RASGRP2: variants seen among roughly 807,000 people sequenced by gnomAD.
RASGRP2 encodes RAS guanyl releasing protein 2, also known as RAS guanyl-releasing protein 2.
RASGRP2 carries 44 observed loss-of-function variants against 71.0 expected under a neutral mutation model. The observed-to-expected ratio is 0.62, with a 90% CI of 0.49 to 0.80. The LOEUF (loss-of-function observed/expected upper bound fraction) is 0.80. RASGRP2 is among the 30% of genes least tolerant of loss of function. The pLI is 0.00. For missense variants in RASGRP2, 663 were observed against 813.4 expected, an observed-to-expected ratio of 0.82 and a Z score of 2.25; for synonymous variants, 350 against 330.7, an observed-to-expected ratio of 1.06 and a Z score of -0.63.
chr11:64,735,331 T>C lies in RASGRP2; in HGVS notation c.1297-104A>G, dbSNP rs2057896210. The C allele has an allele frequency of 8.0e-7, 1 of 1,255,050 alleles. No homozygotes were observed. Among genetic ancestry groups the C allele is most frequent in the Admixed American group, 1.8e-5 (1 of 55,112 alleles). 77.7% of individuals were successfully genotyped at this position (1,255,050 alleles called of 1,614,324 possible). A position where few individuals can be genotyped will look rare whatever the true frequency, so the allele number is the denominator to read the frequency against. ...CCCAGTCCATTTGATGAGGTGTGTC[T>C]CAGAGAGGTCTCTGACACCACCCCC... On this transcript the variant is annotated intron_variant, in intron 11 of 16. Transcript: ENST00000394432. The surrounding 1 kb of genome is among the most constrained non-coding windows in gnomAD (Gnocchi z 4.2).
At position 64,742,500 on chromosome 11, in the gene RASGRP2, AG is replaced by A. The variant is rs1355405578; in HGVS notation, c.73+293del. The A allele has an allele frequency of 1.2e-5, 7 of 577,162 alleles. No individual in the cohort carries two copies. Among genetic ancestry groups the A allele is most frequent in the African/African-American group, 1.1e-4 (6 of 53,376 alleles). 35.8% of individuals were successfully genotyped at this position (577,162 alleles called of 1,614,324 possible). On this transcript the variant is annotated intron_variant, in intron 2 of 16. Transcript: ENST00000394432. The surrounding 1 kb of genome is among the most constrained non-coding windows in gnomAD (Gnocchi z 4.7). Reference sequence around the variant, plus strand: ...AACAGCTCCCAGGCCGGAGATAGCGAGTTCCTCCGGATTCCCCGGGAGACAG... The same window carrying A: ...AACAGCTCCCAGGCCGGAGATAGCGATTCCTCCGGATTCCCCGGGAGACAG...
rs978071529 is a variant in RASGRP2 at position 64,739,598 on chromosome 11, G to T, written c.696+38C>A. On this transcript the variant is annotated intron_variant, in intron 7 of 16. Coordinates refer to ENST00000394432, the MANE Select transcript of RASGRP2 (RefSeq NM_001098671.2). The surrounding 1 kb of genome is among the most constrained non-coding windows in gnomAD (Gnocchi z 4.2). ...GGAAGGGTTGGCCTGACTGGCATGT[G>T]GGGTGGTTGGGAGACACCGGGAGGG... 2 of 1,612,718 alleles carry T rather than the reference G, an allele frequency of 1.2e-6. No homozygotes were observed. Among genetic ancestry groups the T allele is most frequent in the African/African-American group, 2.7e-5 (2 of 74,888 alleles).
At position 64,740,041 on chromosome 11, in the gene RASGRP2, A is replaced by C; in HGVS notation, c.494T>G (p.Leu165Trp). ...GATCTTGCAGAAGGAGCGATACTCC[A>C]AGTAGGTGAGATGCTCCGCCAGCTC... ...PMELAEHLTY[L>W]EYRSFCKILF... is the part of the protein sequence containing the mutation. The change falls in exon 6 of 17, where the codon TTG becomes TGG. Residue 165 changes from leucine (L) to tryptophan (W), a missense_variant. Transcript: ENST00000394432. The C allele has an allele frequency of 1.9e-6, 3 of 1,614,074 alleles. No individual in the cohort carries two copies. Among genetic ancestry groups the C allele is most frequent in the Non-Finnish European group, 2.5e-6 (3 of 1,180,004 alleles).
chr11:64,741,570 C>A (rs1349938027), intron 3 of RASGRP2, 69 bp from the exon 4 acceptor site: 3 of 1,372,366 alleles, frequency 2.2e-6, no homozygotes, highest in South Asian at 2.5e-5. Context: ...AGGCTGGGGG[C>A]GGGGCCTGGT....
Position 64,739,684 on chromosome 11 carries a change from T to C in RASGRP2, c.648A>G (p.Thr216=). 6.2e-7 allele frequency: 1 copy of C among 1,613,972 alleles called. No individual in the cohort carries two copies. Among genetic ancestry groups the C allele is most frequent in the Non-Finnish European group, 8.5e-7 (1 of 1,179,952 alleles). ...TGATGACCAGGGCCCGCTGCGGGGC[T>C]GTGGGTTTGCTGAGGATCATGAGCT... ...WVQLMILSKP[T]APQRALVITH... The change falls in exon 7 of 17, where the codon ACA becomes ACG. Residue 216 remains threonine, a synonymous_variant. Coordinates refer to ENST00000394432, the MANE Select transcript of RASGRP2 (RefSeq NM_001098671.2). This position sits in a 1 kb window ranked among gnomAD's most constrained non-coding sequence, Gnocchi z 4.2.
At chr11:64,729,166 G>C (rs576939612) in intron 14 of RASGRP2, 124 bp from the exon 15 acceptor site, 8 of 967,294 alleles carry the variant, frequency 8.3e-6, no homozygotes, top group African/African-American at 3.2e-5. Context: ...ACCAAAATAA[G>C]AGTCTCCTTC....
intron 5 of RASGRP2, 88 bp from the exon 6 acceptor site, chr11:64,740,251 T>A (rs754081130): frequency 1.3e-6 from 2 of 1,546,562 alleles, no homozygotes; most frequent in Non-Finnish European, 1.8e-6. Flanking sequence ...TCACGCTTAC[T>A]GAGAACCTAC....
At chr11:64,741,959 C>A in intron 3 of RASGRP2, 51 bp downstream of exon 3, 1 of 1,480,168 alleles carries the variant, frequency 6.8e-7, no homozygotes, top group Non-Finnish European at 9.3e-7. Context: ...GGCAGAGGGG[C>A]TGCGCATGGG....
chr11:64,729,902 C>A, intron 13 of RASGRP2, 104 bp from the exon 14 acceptor site: 2 of 1,571,296 alleles, frequency 1.3e-6, no homozygotes, highest in East Asian at 2.2e-5. Context: ...CGCCTCAGGG[C>A]CCCGGGCAGA....
In RASGRP2 at chr11:64,743,887, G is replaced by A. The variant is rs1417571541; in HGVS notation, c.-72+116C>T. ...CGGGGACCTAAGTGGAGGTGCAGGC[G>A]TCCGCACTTACACGCACCGGGCCAC... On this transcript the variant is annotated intron_variant, in intron 1 of 16. Transcript: ENST00000394432. The surrounding 1 kb of genome is among the most constrained non-coding windows in gnomAD (Gnocchi z 4.9). 1 of 710,028 alleles carries A rather than the reference G, an allele frequency of 1.4e-6. No individual in the cohort carries two copies. The allele number at this position is 710,028 out of a possible 1,614,324, so 44.0% of individuals were successfully genotyped here. A position where few individuals can be genotyped will look rare whatever the true frequency, so the allele number is the denominator to read the frequency against.
At position 64,735,684 on chromosome 11, in the gene RASGRP2, T is replaced by C; in HGVS notation, c.1174-20A>G. Reference sequence around the variant, plus strand: ...GGTTGGCTATGGAAATGGTCGGGCCTGAGCTAGGGCCAGAGGCAGGGGAAG... The same window carrying C: ...GGTTGGCTATGGAAATGGTCGGGCCCGAGCTAGGGCCAGAGGCAGGGGAAG... On this transcript the variant is annotated intron_variant, in intron 10 of 16. Transcript: ENST00000394432. The surrounding 1 kb of genome is among the most constrained non-coding windows in gnomAD (Gnocchi z 4.2). 1 of 1,602,154 alleles carries C rather than the reference T, an allele frequency of 6.2e-7. No homozygotes were observed. The highest frequency in any genetic ancestry group is 1.1e-5 in the South Asian group (1 of 89,540).
chr11:64,740,016 G>T lies in RASGRP2; in HGVS notation c.519C>A (p.Ile173=). The change falls in exon 6 of 17, where the codon ATC becomes ATA. Residue 173 remains isoleucine, a synonymous_variant. Coordinates refer to ENST00000394432, the MANE Select transcript of RASGRP2 (RefSeq NM_001098671.2). ...TYLEYRSFCK[I]LFQDYHSFVT... is the part of the protein sequence containing the mutation. The stretch of plus-strand genomic sequence containing the variant: ...CCCCCCAGCCCTCGGGCCGCACCAG[G>T]ATCTTGCAGAAGGAGCGATACTCCA... 1.9e-6 allele frequency: 3 copies of T among 1,614,062 alleles called. No homozygotes were observed. Among genetic ancestry groups the T allele is most frequent in the East Asian group, 2.2e-5 (1 of 44,870 alleles).
chr11:64,736,690 G>C, intron 9 of RASGRP2, 63 bp downstream of exon 9: 1 of 1,525,068 alleles, frequency 6.6e-7, no homozygotes, highest in East Asian at 2.5e-5. Flanking sequence ...CCACAGCCAG[G>C]ACCTGGGGAA....
At chr11:64,729,955 C>T (rs1310038142) in intron 13 of RASGRP2, 98 bp downstream of exon 13, 4 of 1,526,358 alleles carry the variant, frequency 2.6e-6, no homozygotes, top group East Asian at 4.8e-5. Context: ...GTTTTCCTGG[C>T]TTGAGAAGGG....
intron 14 of RASGRP2, among the ~76,000 whole-genome samples, chr11:64,729,484 G>T (rs1419058326): frequency 6.6e-6 from 1 of 152,034 alleles, no homozygotes; most frequent in Non-Finnish European, 1.5e-5. Flanking sequence ...TTACAGGTGG[G>T]TGCCACCACG....
Position 64,735,303 on chromosome 11 carries a change from G to A in RASGRP2, c.1297-76C>T, listed in dbSNP as rs141583891. The A allele has an allele frequency of 4.7e-4, 630 of 1,329,222 alleles. No individual in the cohort carries two copies. Among genetic ancestry groups the A allele is most frequent in the Admixed American group, 1.0e-3 (59 of 56,846 alleles). 82.3% of individuals were successfully genotyped at this position (1,329,222 alleles called of 1,614,324 possible). The stretch of plus-strand genomic sequence containing the variant: ...GACATCAGGTCCTGTCCCTTCCCAC[G>A]TTCCCAGTCCATTTGATGAGGTGTG... On this transcript the variant is annotated intron_variant, in intron 11 of 16. Transcript: ENST00000394432. The surrounding 1 kb of genome is among the most constrained non-coding windows in gnomAD (Gnocchi z 4.2).
chr11:64,733,484 C>T (rs1035882189), intron 12 of RASGRP2, among the ~76,000 whole-genome samples: 50 of 151,728 alleles, frequency 3.3e-4, no homozygotes, highest in Non-Finnish European at 6.2e-4. Flanking sequence ...AGGCTGAGAC[C>T]GCTGCATGAA....
intron 4 of RASGRP2, 96 bp from the exon 5 acceptor site, chr11:64,741,175 A>T (rs1310679960): frequency 5.4e-6 from 8 of 1,468,536 alleles, no homozygotes; most frequent in Non-Finnish European, 7.4e-6. Flanking sequence ...CTAAGCAAAA[A>T]GACCCTCAAA....
intron 8 of RASGRP2, among the ~76,000 whole-genome samples, chr11:64,737,689 AAAAAAAGAAAG>A (rs1303651153): frequency 6.0e-5 from 9 of 149,282 alleles, no homozygotes; most frequent in Non-Finnish European, 1.4e-4. Context: ...AAAAAAAAAA[AAAAAAAGAAAG>A]AAAAAGAAAG....
Sources: allele counts gnomAD v4.1 joint callset (sites outside exome capture counted in the v4.1 genomes callset), GRCh38; gene constraint gnomAD v4.1.1; non-coding constraint Gnocchi (gnomAD v3.1); transcripts MANE v1.5; gene names NCBI Gene and HGNC (gene_info 2026-07-23, HGNC 2026-07-21).